CALD1: variants seen among roughly 807,000 people sequenced by gnomAD.
The protein encoded by CALD1 is caldesmon.
Under a neutral mutation model 99.9 loss-of-function variants are expected in CALD1, and 33 were observed. That is an observed-to-expected ratio of 0.33 (90% CI 0.25 to 0.44). The LOEUF (loss-of-function observed/expected upper bound fraction) is 0.44. Ranked by LOEUF, CALD1 falls within the 20% of genes least tolerant of loss-of-function variation. The pLI, the probability that CALD1 is intolerant of heterozygous loss-of-function variation, is 1.00. For synonymous variants in CALD1, 310 were observed against 325.0 expected (o/e 0.95, Z 0.50); for missense variants, 861 against 962.1 (o/e 0.89, Z 1.39).
In CALD1 at chr7:134,970,596, T is replaced by C. The variant is rs374488573; in HGVS notation, c.*2251T>C. On this transcript the variant is annotated 3_prime_UTR_variant, in exon 15 of 15. Transcript: ENST00000361675. The stretch of plus-strand genomic sequence containing the variant: ...ATAATGGATCGCTCCAATAAACATA[T>C]ATTGTGAAAATGCATCCACAATAAA... The C allele has an allele frequency of 1.1e-4, 17 of 152,760 alleles. 2 individuals are homozygous for C. The highest frequency in any genetic ancestry group is 9.1e-4 in the Admixed American group (14 of 15,304). 9.5% of individuals were successfully genotyped at this position (152,760 alleles called of 1,614,324 possible).
intron 1 of CALD1, among the ~76,000 whole-genome samples, chr7:134,767,497 G>A (rs561062184): frequency 1.3e-5 from 2 of 152,220 alleles, no homozygotes; most frequent in South Asian, 2.1e-4. Flanking sequence ...TCTTATTTGC[G>A]CCCCTCACAA....
intron 8 of CALD1, among the ~76,000 whole-genome samples, chr7:134,949,796 G>A (rs924148091): frequency 6.6e-6 from 1 of 152,038 alleles, no homozygotes; most frequent in Non-Finnish European, 1.5e-5. Flanking sequence ...CATAATGAGT[G>A]TTAGTCTAAG....
intron 1 of CALD1, among the ~76,000 whole-genome samples, chr7:134,839,405 G>A (rs1245335254): frequency 6.6e-6 from 1 of 152,108 alleles, no homozygotes; most frequent in African/African-American, 2.4e-5. Flanking sequence ...TATATGCATG[G>A]ACTTTTGTTG....
At chr7:134,807,625 CATA>C (rs1433993700) in intron 1 of CALD1, among the ~76,000 whole-genome samples, 1 of 152,136 alleles carries the variant, frequency 6.6e-6, no homozygotes, top group African/African-American at 2.4e-5. Context: ...CTAGACTTCT[CATA>C]ATAACTGGTG....
intron 9 of CALD1, among the ~76,000 whole-genome samples, chr7:134,953,707 C>G (rs1280753117): frequency 4.8e-5 from 7 of 146,628 alleles, no homozygotes; most frequent in Non-Finnish European, 7.5e-5. Context: ...CTACCCTACC[C>G]TCCTCTAATT....
chr7:134,742,869 A>C (rs1796603056), upstream of CALD1, among the ~76,000 whole-genome samples: 1 of 152,116 alleles, frequency 6.6e-6, no homozygotes. Flanking sequence ...AGGACTGCAG[A>C]GAGATTGTGG....
At chr7:134,882,302 T>C (rs556116944) in intron 3 of CALD1, among the ~76,000 whole-genome samples, 69 of 152,332 alleles carry the variant, frequency 4.5e-4, no homozygotes, top group African/African-American at 1.6e-3. Context: ...CAATTTCAAC[T>C]CCATATCTTT....
chr7:134,860,545 T>A (rs893473042), intron 2 of CALD1, among the ~76,000 whole-genome samples: 1 of 152,210 alleles, frequency 6.6e-6, no homozygotes, highest in African/African-American at 2.4e-5. Context: ...ATACTCAGAA[T>A]GGTAAAATCT....
intron 3 of CALD1, among the ~76,000 whole-genome samples, chr7:134,890,397 G>A (rs376012297): frequency 6.6e-6 from 1 of 152,188 alleles, no homozygotes; most frequent in Non-Finnish European, 1.5e-5. Context: ...TTGTCTGCGT[G>A]TGACATGAAG....
chr7:134,711,817 A>G, the CALD1 span, among the ~76,000 whole-genome samples: 1 of 151,130 alleles, frequency 6.6e-6, no homozygotes, highest in East Asian at 1.9e-4. Context: ...GCTGTTATGT[A>G]AAGTGTAGAA....
At chr7:134,934,109 T>G (rs757189115) in intron 5 of CALD1, 32 bp downstream of exon 5, 3 of 1,578,152 alleles carry the variant, frequency 1.9e-6, no homozygotes, top group Non-Finnish European at 2.6e-6. Flanking sequence ...AAATGTGTGA[T>G]GCCTGTGACT....
At chr7:134,734,649 G>A in the CALD1 span, among the ~76,000 whole-genome samples, 1 of 152,112 alleles carries the variant, frequency 6.6e-6, no homozygotes, top group South Asian at 2.1e-4. Context: ...AGCTGTTCTT[G>A]TGATAGTGAA....
At chr7:134,759,967 C>G (rs1025299899) in intron 1 of CALD1, among the ~76,000 whole-genome samples, 1 of 152,152 alleles carries the variant, frequency 6.6e-6, no homozygotes, top group Non-Finnish European at 1.5e-5. Flanking sequence ...AATGAGGTCT[C>G]CTTGATGTGG....
chr7:134,893,096 G>A (rs1802322591), intron 3 of CALD1, among the ~76,000 whole-genome samples: 1 of 152,118 alleles, frequency 6.6e-6, no homozygotes, highest in Non-Finnish European at 1.5e-5. Flanking sequence ...CTCAACTCAT[G>A]GTCCTGAGGC....
chr7:134,928,721 C>T, intron 3 of CALD1, 33 bp from the exon 4 acceptor site: 1 of 1,600,104 alleles, frequency 6.2e-7, no homozygotes. Flanking sequence ...TGGCAAGTGG[C>T]ACGCTCAAGA....
At chr7:134,785,286 T>A (rs1001963766) in intron 1 of CALD1, among the ~76,000 whole-genome samples, 1 of 152,184 alleles carries the variant, frequency 6.6e-6, no homozygotes, top group African/African-American at 2.4e-5. Context: ...ACTGAAAGGA[T>A]AAGAATCATC....
chr7:134,872,862 C>T (rs1213025601), intron 3 of CALD1, among the ~76,000 whole-genome samples: 3 of 152,098 alleles, frequency 2.0e-5, no homozygotes, highest in Admixed American at 6.6e-5. Flanking sequence ...TTATTCTCCA[C>T]CAATCTCAGG....
At chr7:134,782,377 G>A (rs983105554) in intron 1 of CALD1, among the ~76,000 whole-genome samples, 2 of 152,190 alleles carry the variant, frequency 1.3e-5, no homozygotes, top group African/African-American at 4.8e-5. Context: ...AGTTCTCTTA[G>A]GGCCTGAGAA....
chr7:134,849,566 A>G (rs1294357189), intron 2 of CALD1, among the ~76,000 whole-genome samples: 1 of 152,098 alleles, frequency 6.6e-6, no homozygotes, highest in Non-Finnish European at 1.5e-5. Flanking sequence ...TGTATTTCCT[A>G]TTATATTTTT....
Sources: gnomAD v4.1 joint callset for allele counts (sites outside exome capture counted in the v4.1 genomes callset) on GRCh38, gnomAD v4.1.1 for gene constraint, MANE v1.5 for transcripts, NCBI Gene and HGNC (gene_info 2026-07-23, HGNC 2026-07-21) for gene names.